The following NLGN1 variants were observed in gnomAD, a reference collection of about 807,000 sequenced individuals.
The protein encoded by NLGN1 is neuroligin 1.
Under a neutral mutation model 65.5 loss-of-function variants are expected in NLGN1, and 12 were observed. The observed-to-expected ratio is 0.18, with a 90% confidence interval of 0.12 to 0.30. NLGN1 has a LOEUF of 0.30. Among genes scored for constraint, NLGN1 ranks in the 10% least tolerant of loss-of-function variants. The pLI, the probability that NLGN1 is intolerant of heterozygous loss-of-function variation, is 1.00. For synonymous variants in NLGN1, 350 were observed against 359.5 expected (o/e 0.97, Z 0.30); for missense variants, 750 against 1,007.1 (o/e 0.74, Z 3.46).
chr3:174,082,241 A>G (rs555456576), intron 4 of NLGN1, among the ~76,000 whole-genome samples: 78 of 152,324 alleles, frequency 5.1e-4, no homozygotes, highest in African/African-American at 1.8e-3. Context: ...AGATATATAC[A>G]TATATTCCCA....
At chr3:173,830,017 A>AG (rs1560454460) in intron 4 of NLGN1, among the ~76,000 whole-genome samples, 4 of 139,400 alleles carry the variant, frequency 2.9e-5, no homozygotes, top group East Asian at 2.1e-4. Flanking sequence ...TGGGGGGGGG[A>AG]GGGAGAGAAT....
chr3:173,895,829 T>G (rs1278762498), intron 4 of NLGN1, among the ~76,000 whole-genome samples: 1 of 152,048 alleles, frequency 6.6e-6, no homozygotes, highest in Non-Finnish European at 1.5e-5. Context: ...TAGCTGTGAT[T>G]GTAGGCATGT....
At chr3:173,993,733 C>T (rs1019842323) in intron 4 of NLGN1, among the ~76,000 whole-genome samples, 1 of 151,706 alleles carries the variant, frequency 6.6e-6, no homozygotes, top group African/African-American at 2.4e-5. Flanking sequence ...TTTTTCCATT[C>T]ATTAATTTAA....
At chr3:173,527,890 T>C (rs1394992586) in intron 2 of NLGN1, among the ~76,000 whole-genome samples, 1 of 152,220 alleles carries the variant, frequency 6.6e-6, no homozygotes, top group Non-Finnish European at 1.5e-5. Context: ...GATGTTGCTT[T>C]AGTTTTTTTA....
At chr3:173,595,444 A>G (rs1749301888) in intron 2 of NLGN1, among the ~76,000 whole-genome samples, 1 of 152,110 alleles carries the variant, frequency 6.6e-6, no homozygotes, top group South Asian at 2.1e-4. Flanking sequence ...CTCAGCCTAG[A>G]TTTTATTGTC....
At chr3:173,850,061 A>G (rs1726594615) in intron 4 of NLGN1, among the ~76,000 whole-genome samples, 2 of 152,156 alleles carry the variant, frequency 1.3e-5, no homozygotes. Flanking sequence ...AATACAGAAA[A>G]ATATAGAGAG....
At chr3:173,740,836 A>G (rs935807759) in intron 3 of NLGN1, among the ~76,000 whole-genome samples, 1 of 152,134 alleles carries the variant, frequency 6.6e-6, no homozygotes, top group African/African-American at 2.4e-5. Context: ...TAGAAAAGCC[A>G]TGCGTAAGGT....
At chr3:173,838,678 A>C (rs1488557) in intron 4 of NLGN1, among the ~76,000 whole-genome samples, 1 of 152,064 alleles carries the variant, frequency 6.6e-6, no homozygotes, top group African/African-American at 2.4e-5. Context: ...CTGCTTTTGT[A>C]TGAAACTTGT....
At chr3:173,525,295 A>G (rs1332640497) in intron 2 of NLGN1, among the ~76,000 whole-genome samples, 1 of 151,564 alleles carries the variant, frequency 6.6e-6, no homozygotes, top group Non-Finnish European at 1.5e-5. Flanking sequence ...TGATTTTGTG[A>G]CACATTACTG....
chr3:174,056,622 ATAG>A (rs1736160010), intron 4 of NLGN1, among the ~76,000 whole-genome samples: 1 of 152,034 alleles, frequency 6.6e-6, no homozygotes, highest in African/African-American at 2.4e-5. Flanking sequence ...TGGGATTTTT[ATAG>A]TCACTCCTCA....
intron 5 of NLGN1, 64 bp downstream of exon 5, chr3:174,275,591 T>G: frequency 1.1e-6 from 1 of 898,740 alleles, no homozygotes; most frequent in South Asian, 1.4e-5. Flanking sequence ...ATCAGTAGTA[T>G]GTGATGCTCT....
intron 4 of NLGN1, among the ~76,000 whole-genome samples, chr3:173,942,109 G>GTGTGTGTGTGTGTGTGTGT (rs1553896554): frequency 1.4e-5 from 2 of 144,070 alleles, no homozygotes; most frequent in African/African-American, 2.6e-5. Context: ...GGTGGTTGGG[G>GTGTGTGTGTGTGTGTGTGT]GTGTGTGTGT....
At chr3:173,830,090 A>G (rs1336739383) in intron 4 of NLGN1, among the ~76,000 whole-genome samples, 1 of 152,046 alleles carries the variant, frequency 6.6e-6, no homozygotes, top group East Asian at 1.9e-4. Flanking sequence ...AATTATGTTT[A>G]GTTGAACTTA....
intron 2 of NLGN1, among the ~76,000 whole-genome samples, chr3:173,541,364 T>G (rs1738832368): frequency 6.6e-6 from 1 of 152,144 alleles, no homozygotes; most frequent in African/African-American, 2.4e-5. Context: ...AGTTTGGAAC[T>G]AATCCATGTA....
chr3:173,425,659 T>G (rs1332847786), intron 1 of NLGN1, among the ~76,000 whole-genome samples: 4 of 152,172 alleles, frequency 2.6e-5, no homozygotes, highest in Non-Finnish European at 5.9e-5. Flanking sequence ...TGCATAGACT[T>G]ATTTCTGAGT....
At chr3:173,399,336 C>G (rs1717219813) in intron 1 of NLGN1, among the ~76,000 whole-genome samples, 1 of 152,174 alleles carries the variant, frequency 6.6e-6, no homozygotes, top group Admixed American at 6.5e-5. Context: ...TACTAGAGTT[C>G]CAGTAGTGTG....
chr3:173,889,530 C>A (rs893386077), intron 4 of NLGN1, among the ~76,000 whole-genome samples: 1 of 152,070 alleles, frequency 6.6e-6, no homozygotes, highest in Non-Finnish European at 1.5e-5. Flanking sequence ...AGTCTGTTTC[C>A]TTTTAAAAGA....
chr3:174,153,606 AT>A (rs1329560367), intron 4 of NLGN1, among the ~76,000 whole-genome samples: 1 of 152,166 alleles, frequency 6.6e-6, no homozygotes, highest in African/African-American at 2.4e-5. Context: ...ATTCTATTGA[AT>A]TTAAATTGAG....
At chr3:174,010,474 A>C (rs916535157) in intron 4 of NLGN1, among the ~76,000 whole-genome samples, 1 of 152,168 alleles carries the variant, frequency 6.6e-6, no homozygotes, top group Non-Finnish European at 1.5e-5. Context: ...AACTCTTTCC[A>C]GTTGAATTAA....
Sources: gnomAD v4.1 joint callset for allele counts (sites outside exome capture counted in the v4.1 genomes callset) on GRCh38, gnomAD v4.1.1 for gene constraint, MANE v1.5 for transcripts, NCBI Gene and HGNC (gene_info 2026-07-23, HGNC 2026-07-21) for gene names.